Variants in IL7 observed in about 807,000 individuals in gnomAD.
IL7 encodes interleukin 7.
A neutral mutation model predicts 21.6 loss-of-function variants in IL7; 3 were observed. The observed-to-expected ratio is 0.14, with a 90% CI of 0.06 to 0.36. The LOEUF is 0.36. IL7 is among the 10% of genes least tolerant of loss of function. The pLI is 1.00. For missense variants in IL7, 175 were observed against 200.2 expected, an observed-to-expected ratio of 0.87 and a Z score of 0.76; for synonymous variants, 62 against 68.1, an observed-to-expected ratio of 0.91 and a Z score of 0.44.
intron 3 of IL7, among the ~76,000 whole-genome samples, chr8:78,703,595 G>A (rs1381706355): frequency 1.4e-5 from 2 of 147,280 alleles, no homozygotes; most frequent in Non-Finnish European, 1.5e-5. Flanking sequence ...GAAATTAGGA[G>A]TACAACCCCT....
intron 3 of IL7, among the ~76,000 whole-genome samples, chr8:78,693,016 A>T (rs528626357): frequency 3.9e-5 from 6 of 152,090 alleles, no homozygotes; most frequent in African/African-American, 1.4e-4. Flanking sequence ...TTTGCTGAGA[A>T]TGATGGTTTC....
In IL7 at chr8:78,764,617, T is replaced by TA. The variant is rs796433580; in HGVS notation, c.148-24536dup. On this transcript the variant is annotated intron_variant, in intron 2 of 5. Transcript: ENST00000263851. ...AAAATAAAATGCTTAAGTGTAAATCTAAAAAAAAATGTCCAAAATACATAT... is the reference window on the plus strand; with the variant it reads ...AAAATAAAATGCTTAAGTGTAAATCTAAAAAAAAAATGTCCAAAATACATAT... Among the ~76,000 whole-genome samples, 57 of 150,066 alleles carry TA rather than the reference T, an allele frequency of 3.8e-4. 1 individual carries two copies. The highest frequency in any genetic ancestry group is 1.1e-3 in the African/African-American group (44 of 40,992).
intron 3 of IL7, among the ~76,000 whole-genome samples, chr8:78,702,123 T>C (rs1810625329): frequency 6.6e-6 from 1 of 152,214 alleles, no homozygotes; most frequent in African/African-American, 2.4e-5. Context: ...ATTGGTAAGC[T>C]ATTTATTACT....
At chr8:78,762,586 T>C (rs1213254965) in intron 2 of IL7, among the ~76,000 whole-genome samples, 1 of 150,858 alleles carries the variant, frequency 6.6e-6, no homozygotes, top group African/African-American at 2.4e-5. Flanking sequence ...AGCCGCCGGG[T>C]TCTTTTTTAT....
chr8:78,764,423 AT>A (rs1276014834), intron 2 of IL7, among the ~76,000 whole-genome samples: 5 of 152,124 alleles, frequency 3.3e-5, no homozygotes, highest in Admixed American at 6.5e-5. Context: ...ATAATTGTCT[AT>A]GTAGAAAATT....
intron 2 of IL7, among the ~76,000 whole-genome samples, chr8:78,781,986 T>G (rs1362703860): frequency 6.6e-6 from 1 of 152,186 alleles, no homozygotes; most frequent in Non-Finnish European, 1.5e-5. Flanking sequence ...CTGAAGTGCT[T>G]TCCTCCACTT....
chr8:78,751,501 A>G (rs572138949), intron 2 of IL7, among the ~76,000 whole-genome samples: 1 of 152,360 alleles, frequency 6.6e-6, no homozygotes, highest in South Asian at 2.1e-4. Context: ...TCTTAGCAGA[A>G]GCTATTCAGG....
intron 2 of IL7, among the ~76,000 whole-genome samples, chr8:78,771,472 T>G (rs2130787939): frequency 6.6e-6 from 1 of 152,190 alleles, no homozygotes; most frequent in South Asian, 2.1e-4. Flanking sequence ...GCAAAGGAAT[T>G]ATCATTCTGC....
rs566627058 is a variant in IL7 at position 78,794,546 on chromosome 8, C to T, written c.147+3526G>A. On this transcript the variant is annotated intron_variant, in intron 2 of 5. Transcript: ENST00000263851. Reference sequence around the variant, plus strand: ...CTTTAGCTATGAAAGTTCTAGATGTCGCCTGTTTCCAGTAGAAGGATGTTT... The same window carrying T: ...CTTTAGCTATGAAAGTTCTAGATGTTGCCTGTTTCCAGTAGAAGGATGTTT... 4.0e-4 allele frequency among the ~76,000 whole-genome samples: 61 copies of T among 152,156 alleles called. No homozygotes were observed. In the South Asian group the frequency reaches 0.011, roughly 27 times the overall value.
chr8:78,772,707 T>G (rs932126925), intron 2 of IL7, among the ~76,000 whole-genome samples: 13 of 152,182 alleles, frequency 8.5e-5, no homozygotes, highest in Non-Finnish European at 1.6e-4. Flanking sequence ...AATTTCTAAA[T>G]GAAGACCCCA....
At chr8:78,759,799 A>T (rs2130758476) in intron 2 of IL7, among the ~76,000 whole-genome samples, 1 of 152,270 alleles carries the variant, frequency 6.6e-6, no homozygotes, top group South Asian at 2.1e-4. Context: ...ACCTCTTCAA[A>T]ATATATTTTT....
intron 4 of IL7, among the ~76,000 whole-genome samples, chr8:78,682,881 A>G (rs1030916805): frequency 6.6e-6 from 1 of 152,210 alleles, no homozygotes; most frequent in Non-Finnish European, 1.5e-5. Flanking sequence ...AAATACACCC[A>G]TTCTAAATTG....
chr8:78,761,079 C>T, intron 2 of IL7: 3 of 1,605,690 alleles, frequency 1.9e-6, no homozygotes, highest in South Asian at 2.2e-5. Flanking sequence ...CTATTTATAC[C>T]ATCTAAACAT....
exon 7 of IL7, chr8:78,717,972 T>C (rs946066643): frequency 1.3e-5 from 2 of 152,554 alleles, no homozygotes; most frequent in African/African-American, 4.8e-5. Context: ...AGAACAGTTT[T>C]AGTTACCATT....
chr8:78,675,774 C>T lies in IL7; in HGVS notation n.604G>A, dbSNP rs943032748. On this transcript the variant is annotated non_coding_transcript_exon_variant, in exon 5 of 5. Transcript: ENST00000523959. The stretch of plus-strand genomic sequence containing the variant: ...GTTATATAAATTATTTATTAAATTC[C>T]TTCCTGTTTTAGAGAATGGAGGTGT... 3.8e-6 allele frequency: 6 copies of T among 1,586,300 alleles called. No individual in the cohort carries two copies. The African/African-American group carries it at 4.1e-5, about 11-fold the overall frequency.
chr8:78,687,702 TTATATATATATTTAC>T (rs1563626837), intron 3 of IL7, among the ~76,000 whole-genome samples: 4 of 47,788 alleles, frequency 8.4e-5, no homozygotes, highest in African/African-American at 2.6e-4. Flanking sequence ...ACGTAATACA[TTATATATATATTTAC>T]GTAATACATT....
intron 4 of IL7, among the ~76,000 whole-genome samples, chr8:78,683,665 T>G (rs1000798143): frequency 1.5e-4 from 23 of 152,196 alleles, no homozygotes; most frequent in African/African-American, 4.6e-4. Context: ...TCCCTTTGTC[T>G]TGGTGATTAA....
chr8:78,741,505 C>T (rs1459379678), intron 2 of IL7, among the ~76,000 whole-genome samples: 5 of 152,140 alleles, frequency 3.3e-5, no homozygotes, highest in Admixed American at 3.3e-4. Context: ...TTCCAATTCA[C>T]CAAAAATATC....
chr8:78,784,299 C>T (rs1476010936), intron 2 of IL7, among the ~76,000 whole-genome samples: 4 of 152,118 alleles, frequency 2.6e-5, no homozygotes, highest in African/African-American at 9.7e-5. Context: ...TGGAAGAGGT[C>T]CTTCACCAGA....
Sources: gnomAD v4.1 joint callset for allele counts (sites outside exome capture counted in the v4.1 genomes callset) on GRCh38, gnomAD v4.1.1 for gene constraint, MANE v1.5 for transcripts, NCBI Gene and HGNC (gene_info 2026-07-23, HGNC 2026-07-21) for gene names.